The following GULP1 variants were observed in gnomAD, a reference collection of about 807,000 sequenced individuals.
GULP1 encodes PTB domain-containing engulfment adapter protein 1.
In GULP1, 19 loss-of-function variants were observed where a neutral mutation model predicts 40.9. The observed-to-expected ratio is 0.46, with a 90% confidence interval of 0.32 to 0.68. GULP1 has a LOEUF of 0.68. Among genes scored for constraint, GULP1 ranks in the 30% least tolerant of loss-of-function variants. The probability of loss-of-function intolerance (pLI) is 0.03; values close to 1 mark genes in which losing one functional copy is unlikely to be tolerated. For missense variants in GULP1, 312 were observed against 362.2 expected (o/e 0.86, Z 1.12); for synonymous variants, 119 against 117.6 (o/e 1.01, Z -0.08).
chr2:188,435,788 A>T (rs966830509), intron 2 of GULP1, among the ~76,000 whole-genome samples: 1 of 152,042 alleles, frequency 6.6e-6, no homozygotes, highest in Non-Finnish European at 1.5e-5. Context: ...AAAGCTGTTA[A>T]AGGAGAGACA....
intron 1 of GULP1, among the ~76,000 whole-genome samples, chr2:188,304,929 G>A (rs2036794188): frequency 6.6e-6 from 1 of 152,082 alleles, no homozygotes; most frequent in African/African-American, 2.4e-5. Context: ...AATAAGCAGT[G>A]GACAGCAAAT....
chr2:188,301,360 C>T (rs141878124), intron 1 of GULP1, among the ~76,000 whole-genome samples: 1 of 152,136 alleles, frequency 6.6e-6, no homozygotes, highest in South Asian at 2.1e-4. Flanking sequence ...TTGGGTTAAA[C>T]CAGGTGTGAT....
intron 1 of GULP1, among the ~76,000 whole-genome samples, chr2:188,342,029 A>G (rs976807948): frequency 6.6e-6 from 1 of 152,220 alleles, no homozygotes; most frequent in African/African-American, 2.4e-5. Flanking sequence ...AGATTTTATT[A>G]TAACAGTCCT....
At chr2:188,444,165 GA>G (rs1392234559) in intron 2 of GULP1, among the ~76,000 whole-genome samples, 1 of 152,030 alleles carries the variant, frequency 6.6e-6, no homozygotes, top group Admixed American at 6.6e-5. Context: ...GTTCTCCAAG[GA>G]TACAAAATTT....
intron 2 of GULP1, among the ~76,000 whole-genome samples, chr2:188,439,056 C>T (rs1217162933): frequency 1.3e-5 from 2 of 151,842 alleles, no homozygotes; most frequent in African/African-American, 2.4e-5. Flanking sequence ...TACTCTTCTC[C>T]GGAAACCATA....
At chr2:188,302,307 G>A (rs2036269825) in intron 1 of GULP1, among the ~76,000 whole-genome samples, 1 of 152,084 alleles carries the variant, frequency 6.6e-6, no homozygotes, top group Admixed American at 6.6e-5. Flanking sequence ...AATCTAACAA[G>A]CTCAGACAAT....
At chr2:188,557,086 T>G (rs1694960437) in intron 7 of GULP1, among the ~76,000 whole-genome samples, 1 of 151,850 alleles carries the variant, frequency 6.6e-6, no homozygotes, top group South Asian at 2.1e-4. Context: ...AGGCTCCATC[T>G]CCAACATTGG....
chr2:188,527,037 T>G (rs1237595218), intron 5 of GULP1, among the ~76,000 whole-genome samples: 2 of 152,126 alleles, frequency 1.3e-5, no homozygotes, highest in Non-Finnish European at 2.9e-5. Flanking sequence ...TTTATCTCAT[T>G]CTGTCCTTCT....
intron 7 of GULP1, 107 bp from the exon 8 acceptor site, chr2:188,569,132 C>T (rs149101529): frequency 0.013 from 8,569 of 677,406 alleles, 103 homozygotes; most frequent in Non-Finnish European, 0.017. Flanking sequence ...TTTGAAGTAC[C>T]TCTTGTGAAT....
At chr2:188,450,673 A>C (rs2058766819) in intron 2 of GULP1, among the ~76,000 whole-genome samples, 1 of 152,144 alleles carries the variant, frequency 6.6e-6, no homozygotes, top group Non-Finnish European at 1.5e-5. Context: ...TGTTTTATAC[A>C]ATATTAAAAA....
intron 1 of GULP1, among the ~76,000 whole-genome samples, chr2:188,348,425 A>G (rs1216587637): frequency 6.6e-6 from 1 of 152,312 alleles, no homozygotes; most frequent in Admixed American, 6.5e-5. Flanking sequence ...GGAGTATCAT[A>G]TGAATCTTGC....
intron 3 of GULP1, among the ~76,000 whole-genome samples, chr2:188,481,259 A>T (rs982422226): frequency 2.0e-5 from 3 of 152,006 alleles, no homozygotes; most frequent in African/African-American, 7.2e-5. Flanking sequence ...ATGAACACAT[A>T]TAGTGACCAA....
intron 1 of GULP1, among the ~76,000 whole-genome samples, chr2:188,332,180 A>G (rs1574474876): frequency 7.6e-6 from 1 of 131,786 alleles, no homozygotes; most frequent in Admixed American, 8.7e-5. Context: ...TCCATCGGTC[A>G]TTTCTTTATT....
At chr2:188,311,629 A>T (rs2038121159) in intron 1 of GULP1, among the ~76,000 whole-genome samples, 1 of 151,740 alleles carries the variant, frequency 6.6e-6, no homozygotes, top group South Asian at 2.1e-4. Context: ...ATTTTAACAA[A>T]ATTGATTTTC....
intron 1 of GULP1, among the ~76,000 whole-genome samples, chr2:188,350,386 T>C (rs564988146): frequency 3.3e-4 from 50 of 152,250 alleles, no homozygotes; most frequent in African/African-American, 1.2e-3. Context: ...GTTTTTAGTT[T>C]TCAGTGAACA....
intron 6 of GULP1, among the ~76,000 whole-genome samples, chr2:188,530,463 C>T (rs1306758764): frequency 6.6e-6 from 1 of 152,098 alleles, no homozygotes; most frequent in Non-Finnish European, 1.5e-5. Flanking sequence ...TGTGTTCATG[C>T]CCTAACCCCT....
chr2:188,516,820 A>G (rs1300710243), intron 4 of GULP1, among the ~76,000 whole-genome samples: 1 of 152,138 alleles, frequency 6.6e-6, no homozygotes, highest in African/African-American at 2.4e-5. Flanking sequence ...TCTAGTTCGT[A>G]TCTTATTTTA....
chr2:188,300,230 G>A (rs1160124512), intron 1 of GULP1, among the ~76,000 whole-genome samples: 1 of 152,112 alleles, frequency 6.6e-6, no homozygotes, highest in East Asian at 1.9e-4. Context: ...TATATTGGGA[G>A]GAGTTATGAT....
At chr2:188,421,320 AC>A (rs2055378191) in intron 2 of GULP1, among the ~76,000 whole-genome samples, 1 of 152,150 alleles carries the variant, frequency 6.6e-6, no homozygotes, top group African/African-American at 2.4e-5. Flanking sequence ...TAAATTATAA[AC>A]TTTTATATAT....
Sources: allele counts gnomAD v4.1 joint callset (sites outside exome capture counted in the v4.1 genomes callset), GRCh38; gene constraint gnomAD v4.1.1; transcripts MANE v1.5; gene names NCBI Gene and HGNC (gene_info 2026-07-23, HGNC 2026-07-21).